The following FARP1 variants were observed in gnomAD, a reference collection of about 807,000 sequenced individuals.
The protein encoded by FARP1 is FERM, ARH/RhoGEF and pleckstrin domain protein 1.
A neutral mutation model predicts 128.8 loss-of-function variants in FARP1; 52 were observed. The observed-to-expected ratio is 0.40, with a 90% CI of 0.32 to 0.51. The LOEUF is 0.51. Among genes scored for constraint, FARP1 ranks in the 20% least tolerant of loss-of-function variants. The pLI, the probability that FARP1 is intolerant of heterozygous loss-of-function variation, is 0.45. For synonymous variants in FARP1, 580 were observed against 551.8 expected (o/e 1.05, Z -0.72); for missense variants, 1,333 against 1,367.9 (o/e 0.97, Z 0.40).
At chr13:98,425,641 T>G (rs949903185) in intron 17 of FARP1, 2 of 152,194 alleles carry the variant, frequency 1.3e-5, no homozygotes, top group African/African-American at 4.8e-5. Flanking sequence ...TCTACCCACC[T>G]CAGCCTCCCA....
intron 4 of FARP1, among the ~76,000 whole-genome samples, chr13:98,367,165 A>G (rs1278609824): frequency 6.6e-6 from 1 of 151,966 alleles, no homozygotes; most frequent in African/African-American, 2.4e-5. Context: ...GATGATGATG[A>G]TGATGATTGA....
rs117983271 is a variant in FARP1, at chr13:98,282,440, A to T, written c.172-61322A>T. ...GATAGCAGAGGCTCTGACTCTACAA[A>T]AGTAAATAGTAACTCAAAAGTTGAC... is the stretch of plus-strand genomic sequence containing the variant. On this transcript the variant is annotated intron_variant, in intron 2 of 26. Coordinates refer to ENST00000319562, the MANE Select transcript of FARP1 (RefSeq NM_005766.4). Among the ~76,000 whole-genome samples, 1,399 of 152,332 alleles carry T rather than the reference A, an allele frequency of 9.2e-3. 29 individuals are homozygous for T. Among genetic ancestry groups the T allele is most frequent in the Admixed American group, 0.047 (717 of 15,292 alleles).
rs1405655859 is a variant in FARP1 at position 98,438,887 on chromosome 13, C to T, written c.2343+15C>T. ...TGTTCTTCCTGGTGAGTGGAGAGAG[C>T]GGCTTGTCCTCACAAGGATTGTGTC... On this transcript the variant is annotated intron_variant, in intron 20 of 26. Coordinates refer to ENST00000319562, the MANE Select transcript of FARP1 (RefSeq NM_005766.4). 1.4e-5 allele frequency: 22 copies of T among 1,612,154 alleles called. No individual in the cohort carries two copies. Among genetic ancestry groups the T allele is most frequent in the Non-Finnish European group, 1.7e-5 (20 of 1,178,462 alleles).
intron 2 of FARP1, among the ~76,000 whole-genome samples, chr13:98,280,241 G>A (rs796689902): frequency 1.3e-5 from 2 of 152,146 alleles, no homozygotes; most frequent in East Asian, 1.9e-4. Context: ...GTGTGCTTCC[G>A]GGGTCTCCGG....
chr13:98,150,501 A>G (rs2139087922), intron 1 of FARP1, among the ~76,000 whole-genome samples: 1 of 152,310 alleles, frequency 6.6e-6, no homozygotes, highest in Non-Finnish European at 1.5e-5. Context: ...GAATATTTTC[A>G]CCCAACCTAT....
intron 2 of FARP1, among the ~76,000 whole-genome samples, chr13:98,243,168 A>C (rs1395219814): frequency 6.6e-6 from 1 of 152,228 alleles, no homozygotes; most frequent in Non-Finnish European, 1.5e-5. Context: ...AGGTGCCACA[A>C]CGCCATAAAA....
chr13:98,385,187 A>G (rs1398755010), intron 7 of FARP1, among the ~76,000 whole-genome samples: 1 of 152,220 alleles, frequency 6.6e-6, no homozygotes, highest in East Asian at 1.9e-4. Context: ...CAGAACCTTC[A>G]TAGCATCTGC....
At chr13:98,314,271 T>G (rs1320027668) in intron 2 of FARP1, among the ~76,000 whole-genome samples, 6 of 138,868 alleles carry the variant, frequency 4.3e-5, no homozygotes, top group South Asian at 2.2e-4. Context: ...TTATATTTTA[T>G]GTCTTTTTTT....
intron 2 of FARP1, among the ~76,000 whole-genome samples, chr13:98,327,361 A>G (rs538559280): frequency 7.0e-4 from 107 of 152,248 alleles, no homozygotes; most frequent in African/African-American, 2.4e-3. Flanking sequence ...TTTGCCTTCA[A>G]TTTTCAAACA....
chr13:98,276,110 GCTGGC>G (rs1246188009), intron 2 of FARP1, among the ~76,000 whole-genome samples: 1 of 152,156 alleles, frequency 6.6e-6, no homozygotes, highest in Non-Finnish European at 1.5e-5. Context: ...TCACAGGATG[GCTGGC>G]CTGGCTATCC....
intron 1 of FARP1, among the ~76,000 whole-genome samples, chr13:98,184,984 C>T (rs769008007): frequency 1.3e-5 from 2 of 152,264 alleles, no homozygotes; most frequent in East Asian, 1.9e-4. Flanking sequence ...TCCACCATGG[C>T]CAGTTGCAGG....
At chr13:98,151,272 T>C (rs926455025) in intron 1 of FARP1, among the ~76,000 whole-genome samples, 2 of 152,184 alleles carry the variant, frequency 1.3e-5, no homozygotes, top group African/African-American at 4.8e-5. Context: ...ACCACAGGTA[T>C]GTAAGTACAG....
At chr13:98,356,446 T>C (rs1292690544) in intron 3 of FARP1, among the ~76,000 whole-genome samples, 1 of 152,172 alleles carries the variant, frequency 6.6e-6, no homozygotes, top group Non-Finnish European at 1.5e-5. Flanking sequence ...TGACGTATTA[T>C]GCGCCTGTTC....
At chr13:98,372,618 G>A (rs1404777726) in intron 5 of FARP1, among the ~76,000 whole-genome samples, 1 of 152,116 alleles carries the variant, frequency 6.6e-6, no homozygotes, top group Non-Finnish European at 1.5e-5. Context: ...TTGCTTATAT[G>A]TAATAAGAAA....
chr13:98,256,948 G>GGTATATATATATATATATATATATAT lies in FARP1; in HGVS notation c.171+43535_171+43536insGTATATATATATATATATATATATAT, dbSNP rs59128917. Among the ~76,000 whole-genome samples the GGTATATATATATATATATATATATAT allele has an allele frequency of 7.8e-5, 6 of 77,076 alleles. 1 individual carries two copies. The highest frequency in any genetic ancestry group is 1.6e-4 in the Non-Finnish European group (6 of 37,096). The allele number at this position is 77,076 out of a possible 152,430, so 50.6% of individuals were successfully genotyped here. On this transcript the variant is annotated intron_variant, in intron 2 of 26. Coordinates refer to ENST00000319562, the MANE Select transcript of FARP1 (RefSeq NM_005766.4). ...CAATAATTTTCAAAGTATATATGTG[G>GGTATATATATATATATATATATATAT]ATATATATATATATATATATATATA...
At position 98,439,226 on chromosome 13, in the gene FARP1, C is replaced by T. The variant is rs1046492777; in HGVS notation, c.2433+30C>T. 2.0e-6 allele frequency: 3 copies of T among 1,529,042 alleles called. No homozygotes were observed. In the South Asian group the frequency reaches 3.5e-5, roughly 18 times the overall value. 94.7% of individuals were successfully genotyped at this position (1,529,042 alleles called of 1,614,324 possible). A position where few individuals can be genotyped will look rare whatever the true frequency, so the allele number is the denominator to read the frequency against. On this transcript the variant is annotated intron_variant, in intron 21 of 26. Coordinates refer to ENST00000319562, the MANE Select transcript of FARP1 (RefSeq NM_005766.4). ...GTACAGCACAGGCTCGTGGCCAGGG[C>T]CTGTCCTCGGGGGCAGCAGGTGCGG...
chr13:98,428,301 C>A (rs926457307), intron 17 of FARP1, among the ~76,000 whole-genome samples: 2 of 152,190 alleles, frequency 1.3e-5, no homozygotes, highest in Non-Finnish European at 2.9e-5. Context: ...AAGGGCCTTT[C>A]ATCCTGACCT....
At chr13:98,256,019 A>G (rs988553359) in intron 2 of FARP1, among the ~76,000 whole-genome samples, 3 of 152,232 alleles carry the variant, frequency 2.0e-5, no homozygotes, top group African/African-American at 7.2e-5. Context: ...CCATTTGGCA[A>G]CTGGTCAAAA....
intron 6 of FARP1, chr13:98,384,442 C>T: frequency 2.5e-6 from 1 of 400,472 alleles, no homozygotes; most frequent in East Asian, 4.3e-5. Flanking sequence ...ATCCACCCGT[C>T]CTGGACTCCC....
Sources: allele counts gnomAD v4.1 joint callset (sites outside exome capture counted in the v4.1 genomes callset), GRCh38; gene constraint gnomAD v4.1.1; transcripts MANE v1.5; gene names NCBI Gene and HGNC (gene_info 2026-07-23, HGNC 2026-07-21).